PPM1A: variants seen among roughly 807,000 people sequenced by gnomAD.
The protein encoded by PPM1A is protein phosphatase 1A.
Under a neutral mutation model 35.0 loss-of-function variants are expected in PPM1A, and 7 were observed. That is an observed-to-expected ratio of 0.20 (90% CI 0.11 to 0.38). The LOEUF (loss-of-function observed/expected upper bound fraction) is 0.38, where lower values mean the gene tolerates loss of function less well. PPM1A is among the 10% of genes least tolerant of loss of function. PPM1A has a pLI of 1.00. For missense variants in PPM1A, 239 were observed against 467.8 expected, an observed-to-expected ratio of 0.51 and a Z score of 4.51; for synonymous variants, 153 against 167.3, an observed-to-expected ratio of 0.91 and a Z score of 0.66.
Position 60,283,635 on chromosome 14 carries a change from T to G in PPM1A, c.834+98T>G. 3 of 1,262,036 alleles carry G rather than the reference T, an allele frequency of 2.4e-6. No individual in the cohort carries two copies. The South Asian group carries it at 4.5e-5, about 19-fold the overall frequency. 78.2% of individuals were successfully genotyped at this position (1,262,036 alleles called of 1,614,324 possible). A position where few individuals can be genotyped will look rare whatever the true frequency, so the allele number is the denominator to read the frequency against. On this transcript the variant is annotated intron_variant, in intron 2 of 5. Transcript: ENST00000395076. The surrounding 1 kb of genome is among the most constrained non-coding windows in gnomAD (Gnocchi z 6.3). ...TTAGAATCTGTAATTCTGAAACCAG[T>G]TTTTGGCACAACTGTAGGATACTGT...
chr14:60,295,038 A>AT lies in PPM1A; in HGVS notation c.*2557dup, dbSNP rs1227288740. 1 of 151,740 alleles carries AT rather than the reference A, an allele frequency of 6.6e-6. No individual in the cohort carries two copies. Among genetic ancestry groups the AT allele is most frequent in the Non-Finnish European group, 1.5e-5 (1 of 67,766 alleles). 9.4% of individuals were successfully genotyped at this position (151,740 alleles called of 1,614,324 possible). A position where few individuals can be genotyped will look rare whatever the true frequency, so the allele number is the denominator to read the frequency against. On this transcript the variant is annotated 3_prime_UTR_variant, in exon 6 of 6. Coordinates refer to ENST00000395076, the MANE Select transcript of PPM1A (RefSeq NM_021003.5). ...TGTACCACTTAAATTCTTCACCCCC[A>AT]TCCCCTTTTTTTGTGCTAATTAGCA...
At chr14:60,286,738 A>G (rs1887057136) in intron 3 of PPM1A, 1 of 983,796 alleles carries the variant, frequency 1.0e-6, no homozygotes, top group Non-Finnish European at 1.2e-6. Flanking sequence ...TACTAGAATC[A>G]TGATTGGTTT....
Position 60,291,471 on chromosome 14 carries a change from C to T in PPM1A, c.1119+17C>T. The stretch of plus-strand genomic sequence containing the variant: ...GACGACACTGTAAGTAGCATTTTAG[C>T]TCCCTCTGCTTTCCCTTCCCCTCCA... On this transcript the variant is annotated intron_variant, in intron 5 of 5. Transcript: ENST00000395076. The T allele has an allele frequency of 1.3e-6, 2 of 1,554,720 alleles. No homozygotes were observed. The highest frequency in any genetic ancestry group is 1.8e-6 in the Non-Finnish European group (2 of 1,139,272).
In PPM1A at chr14:60,294,048, A is replaced by G. The variant is rs1258011310; in HGVS notation, c.*1566A>G. 1 of 151,948 alleles carries G rather than the reference A, an allele frequency of 6.6e-6. No individual in the cohort carries two copies. The highest frequency in any genetic ancestry group is 6.6e-5 in the Admixed American group (1 of 15,210). The allele number at this position is 151,948 out of a possible 1,614,324, so 9.4% of individuals were successfully genotyped here. A position where few individuals can be genotyped will look rare whatever the true frequency, so the allele number is the denominator to read the frequency against. ...TGTTGAAATGTAAGACTAAAATACA[A>G]CATTGAATACAAAATCAAAATTTTG... On this transcript the variant is annotated 3_prime_UTR_variant, in exon 6 of 6. Transcript: ENST00000395076.
At chr14:60,260,595 T>G (rs897838588) in intron 1 of PPM1A, among the ~76,000 whole-genome samples, 14 of 152,194 alleles carry the variant, frequency 9.2e-5, no homozygotes, top group Non-Finnish European at 1.9e-4. Context: ...CTTTAGTATA[T>G]TCAGACTTAT....
At chr14:60,258,865 TAAAATC>T (rs770230306) in intron 1 of PPM1A, among the ~76,000 whole-genome samples, 12 of 152,090 alleles carry the variant, frequency 7.9e-5, no homozygotes, top group Non-Finnish European at 1.8e-4. Context: ...TCCTGGATCT[TAAAATC>T]TAAAGTGAGA....
Position 60,283,202 on chromosome 14 carries a change from A to G in PPM1A, c.499A>G (p.Ser167Gly). 5 of 1,614,260 alleles carry G rather than the reference A, an allele frequency of 3.1e-6. No homozygotes were observed. The highest frequency in any genetic ancestry group is 4.2e-6 in the Non-Finnish European group (5 of 1,180,052). Residue 167 changes from serine (S) to glycine (G), a missense_variant, in exon 2 of 6, where the codon AGT (serine) becomes GGT (glycine). Ser to Gly is a moderately conservative substitution (Grantham distance 56). This residue lies in a region of PPM1A where 175 missense variants were observed against 389.2 expected (regional missense o/e 0.45). Coordinates refer to ENST00000395076, the MANE Select transcript of PPM1A (RefSeq NM_021003.5). This position sits in a 1 kb window ranked among gnomAD's most constrained non-coding sequence, Gnocchi z 6.3. ...VHFFTQDHKP[S>G]NPLEKERIQN... ...TTTCTTCACACAAGATCACAAACCA[A>G]GTAATCCGCTGGAGAAAGAACGAAT... is the stretch of plus-strand genomic sequence containing the variant.
Position 60,273,927 on chromosome 14 carries a change from A to C in PPM1A, c.-20-8757A>C, listed in dbSNP as rs1885452502. 6.6e-6 allele frequency among the ~76,000 whole-genome samples: 1 copy of C among 152,162 alleles called. No individual in the cohort carries two copies. The highest frequency in any genetic ancestry group is 2.4e-5 in the African/African-American group (1 of 41,430). On this transcript the variant is annotated intron_variant, in intron 1 of 5. Transcript: ENST00000395076. The surrounding 1 kb of genome is among the most constrained non-coding windows in gnomAD (Gnocchi z 4.3). ...AGCAATCTTACCGCCCCAGCCTCCA[A>C]GCAGTTGGGACTACAAGTATGCAAC...
rs1478273820 is a variant in PPM1A, at chr14:60,261,648, C to T, written c.-21+11971C>T. On this transcript the variant is annotated intron_variant, in intron 1 of 5. Coordinates refer to ENST00000395076, the MANE Select transcript of PPM1A (RefSeq NM_021003.5). The stretch of plus-strand genomic sequence containing the variant: ...TAAATGGCACCATCCCCGTCAGGTC[C>T]AAGTAGGAGGGGAAGAATCCTATTT... 2.6e-5 allele frequency among the ~76,000 whole-genome samples: 4 copies of T among 152,104 alleles called. No homozygotes were observed. In the South Asian group the frequency reaches 8.3e-4, roughly 31 times the overall value.
intron 1 of PPM1A, among the ~76,000 whole-genome samples, chr14:60,272,098 A>G (rs1885203227): frequency 6.6e-6 from 1 of 150,838 alleles, no homozygotes; most frequent in Non-Finnish European, 1.5e-5. Flanking sequence ...GTCATGTGAC[A>G]TGAAGTGTCT....
At chr14:60,271,237 C>A (rs1885064532) in intron 1 of PPM1A, among the ~76,000 whole-genome samples, 1 of 152,236 alleles carries the variant, frequency 6.6e-6, no homozygotes, top group South Asian at 2.1e-4. Flanking sequence ...AGATCTTCCC[C>A]TGACTCTCTA....
At chr14:60,256,514 C>T (rs890856834) in intron 1 of PPM1A, among the ~76,000 whole-genome samples, 1 of 152,152 alleles carries the variant, frequency 6.6e-6, no homozygotes, top group East Asian at 1.9e-4. Context: ...TCAGTCAGTG[C>T]CGGCTTAGAT....
At position 60,268,021 on chromosome 14, in the gene PPM1A, A is replaced by C. The variant is rs145290142; in HGVS notation, c.-20-14663A>C. 1.2e-3 allele frequency among the ~76,000 whole-genome samples: 189 copies of C among 152,264 alleles called. 2 individuals carry two copies. The East Asian group carries it at 0.023, about 18-fold the overall frequency. ...TTCAATTATCAAATTTAGGAAATTT[A>C]ACATTCATACAATACTATTATCTAA... is the stretch of plus-strand genomic sequence containing the variant. On this transcript the variant is annotated intron_variant, in intron 1 of 5. Transcript: ENST00000395076.
chr14:60,255,812 T>G (rs1281837016), intron 1 of PPM1A, among the ~76,000 whole-genome samples: 4 of 152,234 alleles, frequency 2.6e-5, no homozygotes, highest in African/African-American at 9.6e-5. Context: ...GAAGACTAGG[T>G]TGACTGATCC....
At chr14:60,265,259 A>G (rs997329947) in intron 1 of PPM1A, among the ~76,000 whole-genome samples, 21 of 152,282 alleles carry the variant, frequency 1.4e-4, no homozygotes, top group Admixed American at 2.6e-4. Flanking sequence ...GCCCCATGCA[A>G]TGGTTAGTAG....
At chr14:60,254,583 A>G (rs1276805042) in intron 1 of PPM1A, among the ~76,000 whole-genome samples, 2 of 152,188 alleles carry the variant, frequency 1.3e-5, no homozygotes, top group South Asian at 2.1e-4. Context: ...AGTTATTACC[A>G]TTTTTTAAAA....
intron 1 of PPM1A, among the ~76,000 whole-genome samples, chr14:60,280,153 G>A (rs1886231808): frequency 6.6e-6 from 1 of 152,106 alleles, no homozygotes; most frequent in Non-Finnish European, 1.5e-5. Context: ...TTACGGGCAT[G>A]CGCCACCATG....
Position 60,293,803 on chromosome 14 carries a change from TTTACAAA to T in PPM1A, c.*1323_*1329del, listed in dbSNP as rs1274214680. On this transcript the variant is annotated 3_prime_UTR_variant, in exon 6 of 6. Transcript: ENST00000395076. This position sits in a 1 kb window ranked among gnomAD's most constrained non-coding sequence, Gnocchi z 4.0. ...TGTTGATAATATTTAGCTGTTGGCC[TTTACAAA>T]TAACTTTCAAAGCTTAAGGAATTGT... 6.6e-6 allele frequency: 1 copy of T among 151,928 alleles called. No individual in the cohort carries two copies. The highest frequency in any genetic ancestry group is 1.5e-5 in the Non-Finnish European group (1 of 67,892). 9.4% of individuals were successfully genotyped at this position (151,928 alleles called of 1,614,324 possible).
intron 1 of PPM1A, among the ~76,000 whole-genome samples, chr14:60,280,738 A>C: frequency 6.6e-6 from 1 of 152,200 alleles, no homozygotes; most frequent in Non-Finnish European, 1.5e-5. Context: ...AATCTTTTCC[A>C]GCAGTTTGCA....
Sources: gnomAD v4.1 joint callset for allele counts (sites outside exome capture counted in the v4.1 genomes callset) on GRCh38, gnomAD v4.1.1 for gene constraint, gnomAD v4.1.1 regional missense constraint, Gnocchi (gnomAD v3.1) non-coding constraint, MANE v1.5 for transcripts, NCBI Gene and HGNC (gene_info 2026-07-23, HGNC 2026-07-21) for gene names.